Variants in ZBTB8OS observed in about 807,000 individuals in gnomAD.
ZBTB8OS encodes the protein tRNA-splicing ligase-activating factor archease.
In ZBTB8OS, 16 loss-of-function variants were observed where a neutral mutation model predicts 29.3. The ratio of observed to expected loss-of-function variants is 0.55; its 90% CI spans 0.37 to 0.83. ZBTB8OS has a LOEUF of 0.83. ZBTB8OS is among the 40% of genes least tolerant of loss of function. The probability of loss-of-function intolerance (pLI) is 0.00; values close to 1 mark genes in which losing one functional copy is unlikely to be tolerated. For synonymous variants in ZBTB8OS, 70 were observed against 64.6 expected, an observed-to-expected ratio of 1.08 and a Z score of -0.40; for missense variants, 160 against 196.9, an observed-to-expected ratio of 0.81 and a Z score of 1.12.
chr1:32,625,250 A>AT (rs1645034754), intron 6 of ZBTB8OS, among the ~76,000 whole-genome samples: 1 of 150,834 alleles, frequency 6.6e-6, no homozygotes, highest in African/African-American at 2.4e-5. Flanking sequence ...AATAATAATA[A>AT]AAAAAACTGT....
At chr1:32,627,852 T>C (rs1373115064) in intron 5 of ZBTB8OS, 2 of 337,662 alleles carry the variant, frequency 5.9e-6, no homozygotes, top group Non-Finnish European at 5.4e-6. Flanking sequence ...CTGAGCAACA[T>C]AGGGAGACCT....
chr1:32,625,449 G>A (rs991807192), intron 6 of ZBTB8OS, among the ~76,000 whole-genome samples: 6 of 152,064 alleles, frequency 3.9e-5, no homozygotes, highest in African/African-American at 7.2e-5. Context: ...CAGGAGAATC[G>A]CTTGAACCTG....
chr1:32,623,993 G>A (rs912614261), intron 6 of ZBTB8OS, among the ~76,000 whole-genome samples: 2 of 152,102 alleles, frequency 1.3e-5, no homozygotes, highest in Non-Finnish European at 2.9e-5. Context: ...TGAGTTTTCA[G>A]GAGATCTGAT....
At chr1:32,626,307 T>C (rs1291653978) in intron 6 of ZBTB8OS, among the ~76,000 whole-genome samples, 13 of 152,198 alleles carry the variant, frequency 8.5e-5, no homozygotes, top group Admixed American at 8.5e-4. Flanking sequence ...CTAGGAGCAA[T>C]AGGCTATACC....
intron 6 of ZBTB8OS, among the ~76,000 whole-genome samples, chr1:32,624,143 A>T (rs1462524684): frequency 6.6e-6 from 1 of 152,220 alleles, no homozygotes; most frequent in South Asian, 2.1e-4. Context: ...CTATGAATCA[A>T]TTAAGCCCCT....
At chr1:32,629,320 G>A (rs1472391324) in intron 5 of ZBTB8OS, among the ~76,000 whole-genome samples, 8 of 151,900 alleles carry the variant, frequency 5.3e-5, no homozygotes, top group African/African-American at 1.9e-4. Context: ...GGAGGTTGAG[G>A]TAGGAGGATT....
At chr1:32,636,961 G>A (rs535239993) in intron 1 of ZBTB8OS, among the ~76,000 whole-genome samples, 86 of 152,114 alleles carry the variant, frequency 5.7e-4, no homozygotes, top group African/African-American at 1.9e-3. Context: ...TGTAATCAAC[G>A]GGAAGGATGG....
At chr1:32,634,727 A>G (rs753544868) in intron 2 of ZBTB8OS, 41 bp downstream of exon 2, 1 of 1,613,454 alleles carries the variant, frequency 6.2e-7, no homozygotes, top group Non-Finnish European at 8.5e-7. Flanking sequence ...CAGTCTTCCT[A>G]CTGACGTGGT....
chr1:32,633,210 C>T (rs1299198054), intron 4 of ZBTB8OS: 1 of 153,198 alleles, frequency 6.5e-6, no homozygotes, highest in Non-Finnish European at 1.5e-5. Context: ...AAATATAGCT[C>T]AAACTTGGGA....
intron 6 of ZBTB8OS, among the ~76,000 whole-genome samples, chr1:32,625,222 A>G (rs1645029786): frequency 9.2e-6 from 1 of 108,270 alleles, no homozygotes; most frequent in East Asian, 2.7e-4. Flanking sequence ...GACTGTCTCA[A>G]AAAAAAAAAG....
chr1:32,631,158 C>G (rs996883207), intron 5 of ZBTB8OS, among the ~76,000 whole-genome samples: 5 of 151,892 alleles, frequency 3.3e-5, no homozygotes, highest in Non-Finnish European at 7.4e-5. Flanking sequence ...GAGTTTGAGA[C>G]CAGCCTGGGC....
chr1:32,632,738 C>T (rs1645667146), intron 4 of ZBTB8OS, among the ~76,000 whole-genome samples: 1 of 152,168 alleles, frequency 6.6e-6, no homozygotes, highest in South Asian at 2.1e-4. Flanking sequence ...AAGAATTTCT[C>T]TGCAAGATAT....
At chr1:32,649,615 C>G (rs1410473528) in intron 1 of ZBTB8OS, among the ~76,000 whole-genome samples, 1 of 145,752 alleles carries the variant, frequency 6.9e-6, no homozygotes, top group Non-Finnish European at 1.5e-5. Context: ...GACGACAGAG[C>G]GAGACCCCAT....
intron 6 of ZBTB8OS, among the ~76,000 whole-genome samples, chr1:32,627,261 G>A (rs566581098): frequency 3.3e-5 from 5 of 152,154 alleles, no homozygotes; most frequent in Non-Finnish European, 7.4e-5. Flanking sequence ...AAAAGGCAAA[G>A]AGAATTTCAA....
intron 1 of ZBTB8OS, among the ~76,000 whole-genome samples, chr1:32,650,085 G>C (rs888343645): frequency 2.6e-5 from 4 of 152,100 alleles, no homozygotes; most frequent in African/African-American, 9.7e-5. Flanking sequence ...CTCTAACCTC[G>C]CACACTCTAA....
intron 6 of ZBTB8OS, among the ~76,000 whole-genome samples, chr1:32,626,560 A>T (rs923462559): frequency 6.6e-6 from 1 of 151,420 alleles, no homozygotes; most frequent in Non-Finnish European, 1.5e-5. Context: ...CTTTTATTTT[A>T]TTTTTTTGAG....
chr1:32,631,992 CT>C (rs71006345), intron 4 of ZBTB8OS, 113 bp from the exon 5 acceptor site: 6,495 of 135,426 alleles, frequency 0.048, no homozygotes, highest in South Asian at 0.11. Flanking sequence ...TTGGTAAAAC[CT>C]TTTTTTTTTT....
At chr1:32,628,344 G>A (rs12048059) in intron 5 of ZBTB8OS, among the ~76,000 whole-genome samples, 5,820 of 134,288 alleles carry the variant, frequency 0.043, 230 homozygotes, top group East Asian at 0.13. Context: ...GCAACAGAGC[G>A]AAATGAAAAA....
Position 32,630,880 on chromosome 1 carries a change from G to C in ZBTB8OS, c.380+947C>G, listed in dbSNP as rs116569283. ...TACAAAAAATTAGCCAGGCGTGGTA[G>C]CAGGCGCGTATAATCTCAGCTACTC... is the stretch of plus-strand genomic sequence containing the variant. On this transcript the variant is annotated intron_variant, in intron 5 of 6. Coordinates refer to ENST00000468695, the MANE Select transcript of ZBTB8OS (RefSeq NM_178547.5). 3.5e-3 allele frequency among the ~76,000 whole-genome samples: 533 copies of C among 152,152 alleles called. 1 individual carries two copies. Among genetic ancestry groups the C allele is most frequent in the African/African-American group, 0.012 (506 of 41,522 alleles).
Sources: gnomAD v4.1 joint callset for allele counts (sites outside exome capture counted in the v4.1 genomes callset) on GRCh38, gnomAD v4.1.1 for gene constraint, MANE v1.5 for transcripts, NCBI Gene and HGNC (gene_info 2026-07-23, HGNC 2026-07-21) for gene names.